The following WDR17 variants were observed in gnomAD, a reference collection of about 807,000 sequenced individuals.
WDR17 encodes the protein WD repeat-containing protein 17.
WDR17 carries 143 observed loss-of-function variants against 161.7 expected under a neutral mutation model. The ratio of observed to expected loss-of-function variants is 0.88; its 90% confidence interval spans 0.77 to 1.02. The LOEUF is 1.02. Ranked by LOEUF, WDR17 falls within the 50% of genes least tolerant of loss-of-function variation. The pLI is 0.00. For missense variants in WDR17, 1,469 were observed against 1,520.9 expected, an observed-to-expected ratio of 0.97 and a Z score of 0.57; for synonymous variants, 517 against 515.6, an observed-to-expected ratio of 1.00 and a Z score of -0.04.
At chr4:176,149,259 T>G (rs1163474991) in intron 13 of WDR17, among the ~76,000 whole-genome samples, 1 of 152,120 alleles carries the variant, frequency 6.6e-6, no homozygotes. Flanking sequence ...TCTTTCTTTT[T>G]TTTATTATTA....
At chr4:176,142,093 T>C (rs772387592) in intron 11 of WDR17, 24 bp downstream of exon 11, 19 of 1,583,874 alleles carry the variant, frequency 1.2e-5, no homozygotes, top group Admixed American at 7.0e-5. Flanking sequence ...TTTCCTGAAA[T>C]AAATAATAAC....
intron 11 of WDR17, among the ~76,000 whole-genome samples, chr4:176,143,732 G>A (rs1184369648): frequency 1.3e-5 from 2 of 151,878 alleles, no homozygotes; most frequent in African/African-American, 4.8e-5. Context: ...CCATCAACTT[G>A]CCACTAAACC....
intron 1 of WDR17, among the ~76,000 whole-genome samples, chr4:176,072,078 G>A (rs1733316129): frequency 6.6e-6 from 1 of 152,154 alleles, no homozygotes; most frequent in Admixed American, 6.5e-5. Context: ...ATGTAGGCTA[G>A]TACTGTACTT....
At chr4:176,122,314 C>A (rs758413099) in intron 4 of WDR17, among the ~76,000 whole-genome samples, 1 of 152,200 alleles carries the variant, frequency 6.6e-6, no homozygotes, top group East Asian at 1.9e-4. Context: ...TTAGTTTGAT[C>A]ATCTGCGAAG....
At chr4:176,144,843 TATG>T (rs761150112) in intron 11 of WDR17, among the ~76,000 whole-genome samples, 2 of 152,084 alleles carry the variant, frequency 1.3e-5, no homozygotes, top group Admixed American at 6.6e-5. Context: ...TTTAAATCTT[TATG>T]ATATCATTTC....
intron 4 of WDR17, among the ~76,000 whole-genome samples, chr4:176,120,338 G>A (rs1741384877): frequency 6.9e-6 from 1 of 145,686 alleles, no homozygotes; most frequent in Admixed American, 6.8e-5. Context: ...CAACACAGCT[G>A]TGAATATTTT....
At chr4:176,082,043 G>T (rs1275865821) in intron 1 of WDR17, among the ~76,000 whole-genome samples, 1 of 152,000 alleles carries the variant, frequency 6.6e-6, no homozygotes, top group East Asian at 1.9e-4. Context: ...TAAGTTTCTT[G>T]AAGCAGCTTT....
intron 11 of WDR17, 91 bp downstream of exon 11, chr4:176,142,160 T>C: frequency 1.0e-6 from 1 of 981,978 alleles, no homozygotes; most frequent in South Asian, 1.6e-5. Context: ...AAAGGTAATA[T>C]CTATCACTCT....
At chr4:176,079,450 G>GTA (rs1734470624) in intron 1 of WDR17, among the ~76,000 whole-genome samples, 1 of 152,072 alleles carries the variant, frequency 6.6e-6, no homozygotes, top group Non-Finnish European at 1.5e-5. Context: ...ATAAAACCCA[G>GTA]TTTTTATTAG....
intron 1 of WDR17, chr4:176,096,548 G>C (rs1015052326): frequency 8.8e-6 from 14 of 1,599,120 alleles, no homozygotes; most frequent in Non-Finnish European, 1.2e-5. Flanking sequence ...ATTTCAAATT[G>C]GTTTGAGCAA....
intron 1 of WDR17, among the ~76,000 whole-genome samples, chr4:176,070,590 T>C (rs1293329965): frequency 6.6e-6 from 1 of 152,152 alleles, no homozygotes; most frequent in African/African-American, 2.4e-5. Context: ...CATGGCTCAC[T>C]GCAGCCTTGA....
intron 3 of WDR17, 115 bp from the exon 4 acceptor site, chr4:176,119,752 G>A (rs1025967491): frequency 1.1e-6 from 1 of 916,364 alleles, no homozygotes; most frequent in Non-Finnish European, 1.6e-6. Flanking sequence ...AAATAAGAAA[G>A]TAATGTATCT....
intron 6 of WDR17, among the ~76,000 whole-genome samples, chr4:176,130,570 CT>C (rs1743228046): frequency 6.7e-6 from 1 of 150,000 alleles, no homozygotes; most frequent in Non-Finnish European, 1.5e-5. Flanking sequence ...CAGTGAAACC[CT>C]GTCTCTACTA....
chr4:176,171,120 T>C (rs1750672423), intron 23 of WDR17, among the ~76,000 whole-genome samples: 2 of 152,222 alleles, frequency 1.3e-5, no homozygotes, highest in Admixed American at 1.3e-4. Context: ...TTCTACTGAA[T>C]GCATGTTGCT....
chr4:176,170,662 G>A (rs1296461096), intron 23 of WDR17, among the ~76,000 whole-genome samples: 1 of 152,106 alleles, frequency 6.6e-6, no homozygotes, highest in Admixed American at 6.6e-5. Flanking sequence ...AAGAATATAG[G>A]CAGTTAGCTA....
At chr4:176,131,816 A>T in intron 7 of WDR17, 78 bp downstream of exon 7, 3 of 1,129,952 alleles carry the variant, frequency 2.7e-6, no homozygotes, top group Non-Finnish European at 3.6e-6. Flanking sequence ...ACCTGTCTGA[A>T]TATTATTTGA....
chr4:176,179,323 T>G, intron 28 of WDR17, 137 bp from the exon 29 acceptor site: 4 of 1,015,196 alleles, frequency 3.9e-6, no homozygotes, highest in Non-Finnish European at 5.2e-6. Context: ...ACTAATTTTC[T>G]CATAGTCTTC....
At chr4:176,157,724 A>C (rs1224009094) in intron 18 of WDR17, among the ~76,000 whole-genome samples, 1 of 152,264 alleles carries the variant, frequency 6.6e-6, no homozygotes, top group African/African-American at 2.4e-5. Flanking sequence ...TTTGTATTCT[A>C]TGTGATTATT....
At chr4:176,108,154 T>C (rs1739100532) in intron 1 of WDR17, among the ~76,000 whole-genome samples, 1 of 152,094 alleles carries the variant, frequency 6.6e-6, no homozygotes, top group South Asian at 2.1e-4. Flanking sequence ...TGAATGTATT[T>C]AATACCTTTG....
Sources: gnomAD v4.1 joint callset for allele counts (sites outside exome capture counted in the v4.1 genomes callset) on GRCh38, gnomAD v4.1.1 for gene constraint, MANE v1.5 for transcripts, NCBI Gene and HGNC (gene_info 2026-07-23, HGNC 2026-07-21) for gene names.